CAST: variants seen among roughly 807,000 people sequenced by gnomAD.
CAST encodes calpastatin.
A neutral mutation model predicts 119.6 loss-of-function variants in CAST; 76 were observed. The ratio of observed to expected loss-of-function variants is 0.64; its 90% CI spans 0.53 to 0.77. CAST has a LOEUF of 0.77. CAST is among the 30% of genes least tolerant of loss of function. The probability of loss-of-function intolerance (pLI) is 0.00; values close to 1 mark genes in which losing one functional copy is unlikely to be tolerated. For synonymous variants in CAST, 319 were observed against 331.6 expected, an observed-to-expected ratio of 0.96 and a Z score of 0.41; for missense variants, 953 against 946.5, an observed-to-expected ratio of 1.01 and a Z score of -0.09.
At chr5:96,767,376 C>A in intron 27 of CAST, 62 bp from the exon 28 acceptor site, 1 of 1,388,282 alleles carries the variant, frequency 7.2e-7, no homozygotes, top group Non-Finnish European at 1.0e-6. Context: ...TCTCTACTGC[C>A]TAAACCTAAG....
chr5:96,675,522 T>C lies in CAST; in HGVS notation c.76-17T>C. The C allele has an allele frequency of 1.3e-6, 2 of 1,583,856 alleles. No individual in the cohort carries two copies. Among genetic ancestry groups the C allele is most frequent in the Non-Finnish European group, 1.7e-6 (2 of 1,152,878 alleles). On this transcript the variant is annotated splice_polypyrimidine_tract_variant and intron_variant, in intron 1 of 31. Transcript: ENST00000675179. Reference sequence around the variant, plus strand: ...GTCATCTTCCTTTATTAAGCATTATTTTTTACTTTTTTATAGCATGTCAGT... The same window carrying C: ...GTCATCTTCCTTTATTAAGCATTATCTTTTACTTTTTTATAGCATGTCAGT...
chr5:96,395,573 A>G, the CAST span, among the ~76,000 whole-genome samples: 1 of 152,198 alleles, frequency 6.6e-6, no homozygotes, highest in South Asian at 2.1e-4. Context: ...GTTCTCACTC[A>G]TAAGTGGGAG....
intron 2 of CAST, among the ~76,000 whole-genome samples, chr5:96,682,874 C>T (rs764164520): frequency 2.6e-5 from 4 of 152,122 alleles, no homozygotes; most frequent in Admixed American, 6.5e-5. Flanking sequence ...ATTGCTAATG[C>T]GGCTTTTTTT....
chr5:96,306,081 C>A, the CAST span, among the ~76,000 whole-genome samples: 1 of 152,102 alleles, frequency 6.6e-6, no homozygotes, highest in Non-Finnish European at 1.5e-5. Context: ...TGTTCCTAGA[C>A]TTTTTTTGGT....
chr5:96,253,196 A>G, the CAST span, among the ~76,000 whole-genome samples: 1 of 152,096 alleles, frequency 6.6e-6, no homozygotes, highest in Non-Finnish European at 1.5e-5. Flanking sequence ...TACATAGTCC[A>G]TTGCAATGGA....
At chr5:96,138,569 T>C in the CAST span, among the ~76,000 whole-genome samples, 1 of 152,018 alleles carries the variant, frequency 6.6e-6, no homozygotes. Flanking sequence ...TTGGGAAGAA[T>C]TGATACCTTA....
chr5:96,648,366 C>T (rs1037968828), intron 1 of CAST, among the ~76,000 whole-genome samples: 8 of 152,120 alleles, frequency 5.3e-5, no homozygotes, highest in Non-Finnish European at 1.0e-4. Flanking sequence ...CACTCCTCTC[C>T]TCATAAACTA....
At chr5:96,512,399 C>T in the CAST span, among the ~76,000 whole-genome samples, 2 of 152,120 alleles carry the variant, frequency 1.3e-5, no homozygotes, top group African/African-American at 2.4e-5. Flanking sequence ...TAGGCCACTT[C>T]GGAAAACATG....
intron 1 of CAST, among the ~76,000 whole-genome samples, chr5:96,628,263 C>T (rs144606391): frequency 4.3e-4 from 65 of 152,324 alleles, no homozygotes; most frequent in East Asian, 2.1e-3. Context: ...GCAGGTCAGA[C>T]ACTGCCCTAT....
the CAST span, among the ~76,000 whole-genome samples, chr5:96,069,228 T>C: frequency 2.6e-5 from 4 of 151,906 alleles, no homozygotes; most frequent in Admixed American, 6.6e-5. Context: ...TATATATGTG[T>C]GTATGTATAT....
chr5:96,092,481 C>T, the CAST span, among the ~76,000 whole-genome samples: 1 of 152,198 alleles, frequency 6.6e-6, no homozygotes, highest in African/African-American at 2.4e-5. Context: ...CCCTTCCAAA[C>T]TTGAGTTAGG....
chr5:96,031,655 T>A, the CAST span, among the ~76,000 whole-genome samples: 1 of 152,166 alleles, frequency 6.6e-6, no homozygotes, highest in African/African-American at 2.4e-5. Flanking sequence ...TCTTGCTTTT[T>A]CCTGCCTCTT....
intron 2 of CAST, among the ~76,000 whole-genome samples, chr5:96,678,795 C>T (rs545640191): frequency 2.8e-4 from 42 of 151,950 alleles, no homozygotes; most frequent in African/African-American, 8.9e-4. Context: ...TGCAGTGAGC[C>T]GAGATCACGC....
chr5:96,556,543 C>A (rs11760296), intron 1 of CAST, among the ~76,000 whole-genome samples: 27 of 152,106 alleles, frequency 1.8e-4, no homozygotes, highest in African/African-American at 5.8e-4. Flanking sequence ...AACCACAGCA[C>A]GAGAACTATG....
chr5:96,611,316 C>A (rs1747357183), intron 1 of CAST, among the ~76,000 whole-genome samples: 1 of 152,118 alleles, frequency 6.6e-6, no homozygotes, highest in Admixed American at 6.5e-5. Flanking sequence ...CATCTACAAA[C>A]AACTGATCTT....
chr5:96,741,069 G>C (rs922559924), intron 13 of CAST, 197 bp from the exon 14 acceptor site: 9 of 594,576 alleles, frequency 1.5e-5, no homozygotes, highest in Non-Finnish European at 2.7e-5. Flanking sequence ...CCTTTTGAAA[G>C]GGGGAAGTGG....
upstream of CAST, among the ~76,000 whole-genome samples, chr5:96,521,146 G>C (rs187720971): frequency 5.1e-4 from 78 of 152,290 alleles, no homozygotes; most frequent in African/African-American, 1.8e-3. Context: ...CCTGAGGTGT[G>C]CTCTTCTTTT....
At chr5:96,218,613 C>T in the CAST span, among the ~76,000 whole-genome samples, 1 of 152,242 alleles carries the variant, frequency 6.6e-6, no homozygotes, top group Non-Finnish European at 1.5e-5. Flanking sequence ...GCTACCTCCC[C>T]TCTTCTGAAC....
chr5:96,598,225 T>C (rs1451149056), intron 1 of CAST, among the ~76,000 whole-genome samples: 1 of 152,222 alleles, frequency 6.6e-6, no homozygotes, highest in Non-Finnish European at 1.5e-5. Flanking sequence ...CAGGAAAACA[T>C]GTTCTGTCTT....
Sources: allele counts gnomAD v4.1 joint callset (sites outside exome capture counted in the v4.1 genomes callset), GRCh38; gene constraint gnomAD v4.1.1; transcripts MANE v1.5; gene names NCBI Gene and HGNC (gene_info 2026-07-23, HGNC 2026-07-21).